HIVEP3: variants seen among roughly 807,000 people sequenced by gnomAD.
The protein encoded by HIVEP3 is HIVEP zinc finger 3.
A neutral mutation model predicts 152.8 loss-of-function variants in HIVEP3; 49 were observed. That is an observed-to-expected ratio of 0.32 (90% CI 0.26 to 0.41). The LOEUF is 0.41. HIVEP3 is among the 10% of genes least tolerant of loss of function. HIVEP3 has a pLI of 1.00. For missense variants in HIVEP3, 2,790 were observed against 3,103.3 expected (o/e 0.90, Z 2.40); for synonymous variants, 1,269 against 1,289.0 (o/e 0.98, Z 0.33).
chr1:41,528,335 ACACTCG>A (rs1294647131), intron 5 of HIVEP3, among the ~76,000 whole-genome samples: 2 of 100,336 alleles, frequency 2.0e-5, no homozygotes, highest in Non-Finnish European at 4.0e-5. Flanking sequence ...CCCCACACTC[ACACTCG>A]CCCTCACACT....
At chr1:41,809,480 C>T (rs1650824465) in intron 1 of HIVEP3, among the ~76,000 whole-genome samples, 1 of 152,170 alleles carries the variant, frequency 6.6e-6, no homozygotes, top group Non-Finnish European at 1.5e-5. Context: ...ATTGAACTGG[C>T]CCAGGAGATG....
intron 3 of HIVEP3, among the ~76,000 whole-genome samples, chr1:41,599,971 C>T (rs1644722241): frequency 1.3e-5 from 2 of 152,120 alleles, no homozygotes; most frequent in African/African-American, 2.4e-5. Context: ...AAAAGATGCT[C>T]ACCATTACCA....
At chr1:41,603,747 A>G (rs1382097228) in intron 3 of HIVEP3, among the ~76,000 whole-genome samples, 2 of 152,222 alleles carry the variant, frequency 1.3e-5, no homozygotes, top group Non-Finnish European at 2.9e-5. Flanking sequence ...CTTGTGTTGT[A>G]ACTTAACATG....
At chr1:41,834,324 G>A (rs6685805) in intron 1 of HIVEP3, among the ~76,000 whole-genome samples, 3,196 of 152,296 alleles carry the variant, frequency 0.021, 42 homozygotes, top group Middle Eastern at 0.075. Context: ...GGGGGAATAT[G>A]TCCATGCCCT....
intron 1 of HIVEP3, among the ~76,000 whole-genome samples, chr1:42,021,480 G>T (rs549855973): frequency 4.1e-4 from 63 of 152,182 alleles, no homozygotes; most frequent in Non-Finnish European, 5.7e-4. Flanking sequence ...GGTAAGGGGG[G>T]GTTGGGAGTC....
intron 1 of HIVEP3, among the ~76,000 whole-genome samples, chr1:41,982,310 C>A (rs1645297875): frequency 6.6e-6 from 1 of 152,206 alleles, no homozygotes; most frequent in African/African-American, 2.4e-5. Flanking sequence ...TTTTCTTCTT[C>A]CGCACAAACA....
chr1:42,006,437 T>A (rs1344167559), intron 1 of HIVEP3, among the ~76,000 whole-genome samples: 1 of 152,132 alleles, frequency 6.6e-6, no homozygotes, highest in Non-Finnish European at 1.5e-5. Flanking sequence ...TGGGGTAATA[T>A]CTATATTATT....
At chr1:42,035,526 G>T (rs965059298) in intron 1 of HIVEP3, among the ~76,000 whole-genome samples, 1 of 152,050 alleles carries the variant, frequency 6.6e-6, no homozygotes, top group South Asian at 2.1e-4. Flanking sequence ...CTGAGGAGGG[G>T]CCCCCGCCCC....
At chr1:41,998,887 CTCTTTTTT>C (rs1306312961) in intron 1 of HIVEP3, among the ~76,000 whole-genome samples, 9 of 77,316 alleles carry the variant, frequency 1.2e-4, no homozygotes, top group South Asian at 1.2e-3. Flanking sequence ...TTTTCTCTCT[CTCTTTTTT>C]TTTTTTTTTT....
chr1:41,583,319 C>T lies in HIVEP3; in HGVS notation c.1479G>A (p.Arg493=). ...ATTTTGGGGACTCCATGCTGCTGCGCCTGGACAGTGAGCTCCGCCTTGGCT... is the reference window on the plus strand; with the variant it reads ...ATTTTGGGGACTCCATGCTGCTGCGTCTGGACAGTGAGCTCCGCCTTGGCT... The part of the protein sequence containing the change: ...SVKPRRSSLS[R]RSSMESPKSS... The change falls in exon 4 of 9, where the codon AGG becomes AGA. Residue 493 remains arginine, a synonymous_variant. Coordinates refer to ENST00000372583, the MANE Select transcript of HIVEP3 (RefSeq NM_024503.5). This position sits in a 1 kb window ranked among gnomAD's most constrained non-coding sequence, Gnocchi z 6.9. 6.2e-7 allele frequency: 1 copy of T among 1,611,184 alleles called. No homozygotes were observed. The highest frequency in any genetic ancestry group is 8.5e-7 in the Non-Finnish European group (1 of 1,178,674).
intron 1 of HIVEP3, among the ~76,000 whole-genome samples, chr1:41,838,482 C>T (rs1388174210): frequency 1.3e-5 from 2 of 152,114 alleles, no homozygotes; most frequent in Non-Finnish European, 2.9e-5. Context: ...GCCTCATATC[C>T]GCTTGTGGTC....
At chr1:41,900,434 C>T (rs1001182486) in intron 1 of HIVEP3, among the ~76,000 whole-genome samples, 1 of 152,140 alleles carries the variant, frequency 6.6e-6, no homozygotes, top group Non-Finnish European at 1.5e-5. Flanking sequence ...TATTTTGCAT[C>T]AACAGGTTTT....
At chr1:41,619,009 GCC>G (rs1645008050) in intron 3 of HIVEP3, among the ~76,000 whole-genome samples, 1 of 152,188 alleles carries the variant, frequency 6.6e-6, no homozygotes, top group African/African-American at 2.4e-5. Flanking sequence ...TCGGGCTGCT[GCC>G]CCCGCCCCCT....
chr1:41,779,598 C>T (rs778011199), intron 1 of HIVEP3, among the ~76,000 whole-genome samples: 13 of 152,218 alleles, frequency 8.5e-5, no homozygotes, highest in African/African-American at 2.7e-4. Context: ...AGGGTTCAAG[C>T]GATTCTCCTA....
chr1:41,696,750 T>TA lies in HIVEP3; in HGVS notation c.-721+4165dup, dbSNP rs1056582189. On this transcript the variant is annotated intron_variant, in intron 2 of 8. Coordinates refer to ENST00000372583, the MANE Select transcript of HIVEP3 (RefSeq NM_024503.5). Reference sequence around the variant, plus strand: ...TAGAATGTAGAGTATAATCCTAATTTAAAAAAAAAAATCTGCGTAACTGCA... The same window carrying TA: ...TAGAATGTAGAGTATAATCCTAATTTAAAAAAAAAAAATCTGCGTAACTGCA... Among the ~76,000 whole-genome samples the TA allele has an allele frequency of 1.1e-3, 169 of 148,172 alleles. 1 individual carries two copies. Among genetic ancestry groups the TA allele is most frequent in the African/African-American group, 3.5e-3 (144 of 40,628 alleles).
At chr1:41,665,707 T>TACACACACACACACGC (rs1553245978) in intron 2 of HIVEP3, among the ~76,000 whole-genome samples, 12 of 127,932 alleles carry the variant, frequency 9.4e-5, no homozygotes, top group African/African-American at 3.4e-4. Context: ...GGAAATGTTA[T>TACACACACACACACGC]ACACACACAC....
chr1:41,583,683 T>A lies in HIVEP3; in HGVS notation c.1115A>T (p.Lys372Met). 1 of 1,613,992 alleles carries A rather than the reference T, an allele frequency of 6.2e-7. No homozygotes were observed. The change falls in exon 4 of 9, where the codon AAG becomes ATG. Residue 372 changes from lysine to methionine, a missense_variant. Around this residue, in one of 9 missense-constraint regions of HIVEP3, gnomAD observed 134 missense variants for 242.5 expected, o/e 0.55. Transcript: ENST00000372583. This position sits in a 1 kb window ranked among gnomAD's most constrained non-coding sequence, Gnocchi z 6.9. ...QKLALRLSER[K>M]KVIDEQAFLS... ...AAACGCCTGCTCATCGATCACCTTC[T>A]TCCTCTCGCTTAAGCGGAGGGCCAG... is the stretch of plus-strand genomic sequence containing the variant.
At chr1:41,870,688 CT>C (rs1478036348) in intron 1 of HIVEP3, among the ~76,000 whole-genome samples, 1 of 152,140 alleles carries the variant, frequency 6.6e-6, no homozygotes, top group African/African-American at 2.4e-5. Flanking sequence ...TATTAATCTA[CT>C]AGTAAGTGAA....
intron 5 of HIVEP3, among the ~76,000 whole-genome samples, chr1:41,544,874 C>T (rs866019551): frequency 1.0e-4 from 11 of 106,552 alleles, no homozygotes; most frequent in South Asian, 6.2e-4. Context: ...CCACCACCAC[C>T]ACTACCACCT....
Sources: allele counts gnomAD v4.1 joint callset (sites outside exome capture counted in the v4.1 genomes callset), GRCh38; gene constraint gnomAD v4.1.1; regional missense constraint gnomAD v4.1.1; non-coding constraint Gnocchi (gnomAD v3.1); transcripts MANE v1.5; gene names NCBI Gene and HGNC (gene_info 2026-07-23, HGNC 2026-07-21).